Variants in ZNF567 observed in about 807,000 individuals in gnomAD.
The protein encoded by ZNF567 is zinc finger protein 567.
Under a neutral mutation model 53.9 loss-of-function variants are expected in ZNF567, and 36 were observed. The ratio of observed to expected loss-of-function variants is 0.67; its 90% CI spans 0.51 to 0.88. The LOEUF (loss-of-function observed/expected upper bound fraction) is 0.88, where lower values mean the gene tolerates loss of function less well. Ranked by LOEUF, ZNF567 falls within the 40% of genes least tolerant of loss-of-function variation. The pLI is 0.00. For missense variants in ZNF567, 619 were observed against 764.7 expected (o/e 0.81, Z 2.25); for synonymous variants, 224 against 260.4 (o/e 0.86, Z 1.35).
downstream of ZNF567, among the ~76,000 whole-genome samples, chr19:36,724,707 G>C (rs1056122938): frequency 2.1e-5 from 3 of 145,074 alleles, no homozygotes; most frequent in Non-Finnish European, 4.5e-5. Context: ...AATTAGCTGA[G>C]CTTGGTGGTG....
downstream of ZNF567, among the ~76,000 whole-genome samples, chr19:36,725,788 A>T (rs1421970610): frequency 6.6e-6 from 1 of 152,158 alleles, no homozygotes; most frequent in Non-Finnish European, 1.5e-5. Flanking sequence ...AGCTGGGACT[A>T]CAGGAATGCA....
At chr19:36,709,214 A>C (rs932251800) in intron 3 of ZNF567, among the ~76,000 whole-genome samples, 22 of 152,208 alleles carry the variant, frequency 1.4e-4, no homozygotes, top group African/African-American at 5.3e-4. Flanking sequence ...TATTCCTGAC[A>C]CACTAAAACT....
At chr19:36,668,157 CTGG>C in the ZNF567 span, 4 of 152,440 alleles carry the variant, frequency 2.6e-5, no homozygotes, top group Non-Finnish European at 5.9e-5. Context: ...GTTGCCCAGG[CTGG>C]TGGTCTCGAA....
At chr19:36,715,509 AATTATTATTATTATTATTATTATT>A (rs747530916) in intron 5 of ZNF567, among the ~76,000 whole-genome samples, 1 of 45,824 alleles carries the variant, frequency 2.2e-5, no homozygotes, top group Non-Finnish European at 3.9e-5. Flanking sequence ...TAATAATAAT[AATTATTATTATTATTATTATTATT>A]ATTATTATTA....
At chr19:36,715,560 G>C (rs1176877791) in intron 5 of ZNF567, among the ~76,000 whole-genome samples, 1 of 138,534 alleles carries the variant, frequency 7.2e-6, no homozygotes, top group Non-Finnish European at 1.6e-5. Flanking sequence ...ATGGAGTTTC[G>C]TTCTTGTTGC....
At chr19:36,679,455 C>CA in the ZNF567 span, among the ~76,000 whole-genome samples, 2 of 151,808 alleles carry the variant, frequency 1.3e-5, no homozygotes, top group Admixed American at 6.6e-5. Context: ...CCTCAAAAAA[C>CA]AAAAAATAGA....
upstream of ZNF567, chr19:36,685,948 C>T (rs1322460941): frequency 2.0e-5 from 3 of 152,254 alleles, no homozygotes; most frequent in Non-Finnish European, 2.9e-5. Context: ...TTGTTGCTCA[C>T]TGGACCTCTC....
chr19:36,694,383 A>G (rs1348258168), intron 2 of ZNF567, among the ~76,000 whole-genome samples: 1 of 152,230 alleles, frequency 6.6e-6, no homozygotes, highest in African/African-American at 2.4e-5. Flanking sequence ...TAGAAACTAG[A>G]ACCACAATTT....
intron 3 of ZNF567, among the ~76,000 whole-genome samples, chr19:36,708,168 G>C (rs903345982): frequency 2.6e-5 from 4 of 152,182 alleles, no homozygotes; most frequent in African/African-American, 9.7e-5. Context: ...GGAATTACTG[G>C]CATGAGCCAC....
the ZNF567 span, among the ~76,000 whole-genome samples, chr19:36,670,931 G>A: frequency 1.4e-4 from 21 of 152,036 alleles, no homozygotes; most frequent in Non-Finnish European, 2.8e-4. Context: ...GCAAAACCCC[G>A]TCTCTACTAA....
chr19:36,674,809 A>C, the ZNF567 span, among the ~76,000 whole-genome samples: 1 of 152,062 alleles, frequency 6.6e-6, no homozygotes, highest in East Asian at 1.9e-4. Flanking sequence ...GCTGGAGTGC[A>C]GTGGCATGAT....
chr19:36,708,195 T>C (rs1171591014), intron 3 of ZNF567, among the ~76,000 whole-genome samples: 1 of 152,212 alleles, frequency 6.6e-6, no homozygotes, highest in African/African-American at 2.4e-5. Flanking sequence ...CAGCCCATCT[T>C]GTTTGTTAAA....
intron 3 of ZNF567, among the ~76,000 whole-genome samples, chr19:36,697,988 T>C (rs1405179214): frequency 1.3e-5 from 2 of 151,328 alleles, no homozygotes; most frequent in African/African-American, 4.9e-5. Flanking sequence ...GTTAGTTACA[T>C]ATGTATACAT....
chr19:36,724,412 G>A (rs1313034560), downstream of ZNF567, among the ~76,000 whole-genome samples: 1 of 151,790 alleles, frequency 6.6e-6, no homozygotes, highest in Non-Finnish European at 1.5e-5. Flanking sequence ...GCCAGGTGTG[G>A]TGGCTCATGC....
chr19:36,700,514 G>C (rs1368822163), intron 3 of ZNF567, among the ~76,000 whole-genome samples: 34 of 149,956 alleles, frequency 2.3e-4, no homozygotes, highest in Non-Finnish European at 4.6e-4. Context: ...GTTCCTCCTT[G>C]TACCTCTGGT....
At chr19:36,667,589 A>G in the ZNF567 span, among the ~76,000 whole-genome samples, 2 of 93,920 alleles carry the variant, frequency 2.1e-5, no homozygotes, top group African/African-American at 9.6e-5. Flanking sequence ...TGCCCGGGCA[A>G]GAAAAAACAA....
At chr19:36,707,073 T>C (rs117745848) in intron 3 of ZNF567, among the ~76,000 whole-genome samples, 2,207 of 152,242 alleles carry the variant, frequency 0.014, 24 homozygotes, top group South Asian at 0.034. Flanking sequence ...TTAATTGGAG[T>C]TTTTAGTCCA....
chr19:36,673,558 G>A, the ZNF567 span, among the ~76,000 whole-genome samples: 2 of 152,138 alleles, frequency 1.3e-5, no homozygotes, highest in Non-Finnish European at 2.9e-5. Context: ...TTTAGACTTC[G>A]AATCACAACT....
At chr19:36,695,300 G>A (rs1384342278) in intron 3 of ZNF567, among the ~76,000 whole-genome samples, 2 of 151,800 alleles carry the variant, frequency 1.3e-5, no homozygotes, top group Non-Finnish European at 2.9e-5. Flanking sequence ...AGGCCGAGGT[G>A]GGCAGATCAC....
Sources: allele counts gnomAD v4.1 joint callset (sites outside exome capture counted in the v4.1 genomes callset), GRCh38; gene constraint gnomAD v4.1.1; transcripts MANE v1.5; gene names NCBI Gene and HGNC (gene_info 2026-07-23, HGNC 2026-07-21).